PROS1: variants seen among roughly 807,000 people sequenced by gnomAD.
PROS1 encodes vitamin K-dependent protein S.
PROS1 carries 29 observed loss-of-function variants against 75.9 expected under a neutral mutation model. The observed-to-expected ratio is 0.38, with a 90% CI of 0.28 to 0.52. The LOEUF (loss-of-function observed/expected upper bound fraction) is 0.52, where lower values mean the gene tolerates loss of function less well. PROS1 is among the 20% of genes least tolerant of loss of function. The pLI is 0.83. For synonymous variants in PROS1, 245 were observed against 280.6 expected (o/e 0.87, Z 1.27); for missense variants, 680 against 810.3 (o/e 0.84, Z 1.95).
chr3:93,917,644 T>A (rs1438758962), intron 3 of PROS1, among the ~76,000 whole-genome samples: 1 of 152,034 alleles, frequency 6.6e-6, no homozygotes, highest in Non-Finnish European at 1.5e-5. Flanking sequence ...CAGCTGGAGT[T>A]CCTGGTGGGC....
intron 9 of PROS1, among the ~76,000 whole-genome samples, chr3:93,894,030 T>C (rs1193070746): frequency 3.3e-5 from 5 of 152,136 alleles, no homozygotes; most frequent in Admixed American, 2.0e-4. Context: ...ATCCACATGA[T>C]TGACGAAAGA....
At chr3:93,898,648 TTG>T in intron 7 of PROS1, 79 bp from the exon 8 acceptor site, 2 of 1,522,636 alleles carry the variant, frequency 1.3e-6, no homozygotes, top group Non-Finnish European at 1.8e-6. Flanking sequence ...AATATTATGA[TTG>T]TAGTATGATA....
chr3:93,875,893 G>T (rs1708180210), intron 14 of PROS1, among the ~76,000 whole-genome samples: 1 of 152,072 alleles, frequency 6.6e-6, no homozygotes, highest in African/African-American at 2.4e-5. Flanking sequence ...ATAACTTTCT[G>T]CCTCTAATTT....
intron 1 of PROS1, among the ~76,000 whole-genome samples, chr3:93,954,732 T>G (rs923395609): frequency 6.6e-6 from 1 of 152,176 alleles, no homozygotes; most frequent in Non-Finnish European, 1.5e-5. Context: ...AAATGGGATC[T>G]AATTAAACTA....
intron 1 of PROS1, among the ~76,000 whole-genome samples, chr3:93,956,335 T>C (rs1205904430): frequency 6.6e-6 from 1 of 152,064 alleles, no homozygotes; most frequent in Non-Finnish European, 1.5e-5. Flanking sequence ...AAAAAAGAAA[T>C]AAACATAAAC....
At chr3:93,918,683 C>T (rs1346735098) in intron 3 of PROS1, among the ~76,000 whole-genome samples, 1 of 152,084 alleles carries the variant, frequency 6.6e-6, no homozygotes, top group African/African-American at 2.4e-5. Context: ...GGATTACAGG[C>T]CTCGCCACCA....
intron 6 of PROS1, among the ~76,000 whole-genome samples, chr3:93,904,219 T>C (rs1433693980): frequency 6.6e-6 from 1 of 152,140 alleles, no homozygotes. Context: ...CTATCATTGT[T>C]GGACATTTGG....
chr3:93,935,521 A>T (rs1709169381), intron 1 of PROS1, among the ~76,000 whole-genome samples: 2 of 152,152 alleles, frequency 1.3e-5, no homozygotes, highest in Non-Finnish European at 1.5e-5. Context: ...GTTCCTGGAC[A>T]CTTAAAAAGG....
In PROS1 at chr3:93,914,062, G is replaced by A. The variant is rs762885948; in HGVS notation, c.260-3357C>T. Among the ~76,000 whole-genome samples, 83 of 152,240 alleles carry A rather than the reference G, an allele frequency of 5.5e-4. 1 individual carries two copies. The highest frequency in any genetic ancestry group is 9.8e-4 in the Non-Finnish European group (67 of 68,040). Reference sequence around the variant, plus strand: ...TAGGGGCTGAGCCCTCAAGGTCTTGGCCAGCCCATCCCTATGGCTTTGCTG... The same window carrying A: ...TAGGGGCTGAGCCCTCAAGGTCTTGACCAGCCCATCCCTATGGCTTTGCTG... On this transcript the variant is annotated intron_variant, in intron 3 of 14. Coordinates refer to ENST00000394236, the MANE Select transcript of PROS1 (RefSeq NM_000313.4).
rs202153905 is a variant in PROS1, at chr3:93,901,058, CA to C, written c.602-130del. 1,440 of 929,886 alleles carry C rather than the reference CA, an allele frequency of 1.5e-3. 15 individuals carry two copies. The African/African-American group carries it at 0.02, about 13-fold the overall frequency. 57.6% of individuals were successfully genotyped at this position (929,886 alleles called of 1,614,324 possible). Reference sequence around the variant, plus strand: ...TGAGATAACAGATTGGCCTTTGGACCAAAAAACATTAAATCTATCATCATAT... The same window carrying C: ...TGAGATAACAGATTGGCCTTTGGACCAAAAACATTAAATCTATCATCATAT... On this transcript the variant is annotated intron_variant, in intron 6 of 14. Coordinates refer to ENST00000394236, the MANE Select transcript of PROS1 (RefSeq NM_000313.4).
At chr3:93,885,389 C>G (rs1268833427) in intron 11 of PROS1, among the ~76,000 whole-genome samples, 1 of 152,164 alleles carries the variant, frequency 6.6e-6, no homozygotes, top group Admixed American at 6.5e-5. Flanking sequence ...CCACGCCTGG[C>G]TAATTTTTGT....
intron 1 of PROS1, among the ~76,000 whole-genome samples, chr3:93,937,531 CTAAT>C (rs747796152): frequency 4.8e-4 from 73 of 152,156 alleles, no homozygotes; most frequent in Non-Finnish European, 8.5e-4. Context: ...CCTCACCTGG[CTAAT>C]TTTTTGTATT....
At chr3:93,928,027 T>G (rs1403955227) in intron 1 of PROS1, among the ~76,000 whole-genome samples, 1 of 125,308 alleles carries the variant, frequency 8.0e-6, no homozygotes, top group East Asian at 2.3e-4. Context: ...TTTTTTTTTT[T>G]TTTTTGAGAC....
rs187894731 is a variant in PROS1 at position 93,945,161 on chromosome 3, T to C, written c.77-17754A>G. 3.3e-5 allele frequency among the ~76,000 whole-genome samples: 5 copies of C among 152,244 alleles called. No individual in the cohort carries two copies. The East Asian group carries it at 9.7e-4, about 29-fold the overall frequency. On this transcript the variant is annotated intron_variant, in intron 1 of 14. Transcript: ENST00000394236. ...ACAAGCTTGGAAATTAAGACAATAGTTAAGAGCCTACCAATAAAAAAAAGT... is the reference window on the plus strand; with the variant it reads ...ACAAGCTTGGAAATTAAGACAATAGCTAAGAGCCTACCAATAAAAAAAAGT...
intron 1 of PROS1, among the ~76,000 whole-genome samples, chr3:93,953,340 G>A (rs1709537876): frequency 6.6e-6 from 1 of 152,112 alleles, no homozygotes; most frequent in Admixed American, 6.6e-5. Flanking sequence ...ATAAAATACT[G>A]GCAAACCGAA....
chr3:93,938,535 C>G (rs1576204594), intron 1 of PROS1, among the ~76,000 whole-genome samples: 1 of 152,256 alleles, frequency 6.6e-6, no homozygotes, highest in South Asian at 2.1e-4. Flanking sequence ...CCCACGACCT[C>G]AGGTCCTCAG....
At chr3:93,916,386 T>C (rs1271503897) in intron 3 of PROS1, among the ~76,000 whole-genome samples, 1 of 152,170 alleles carries the variant, frequency 6.6e-6, no homozygotes, top group Non-Finnish European at 1.5e-5. Context: ...CCAAGTGAAA[T>C]GTTTCATATG....
chr3:93,947,920 C>A lies in PROS1; in HGVS notation c.77-20513G>T, dbSNP rs1227320833. Among the ~76,000 whole-genome samples the A allele has an allele frequency of 2.0e-5, 3 of 152,090 alleles. No individual in the cohort carries two copies. In the South Asian group the frequency reaches 6.2e-4, roughly 32 times the overall value. ...ACTCTCCCCCCTTACCTTGGCATTG[C>A]CCTTGCACAATTTTCACATAGGCAC... On this transcript the variant is annotated intron_variant, in intron 1 of 14. Coordinates refer to ENST00000394236, the MANE Select transcript of PROS1 (RefSeq NM_000313.4).
intron 3 of PROS1, among the ~76,000 whole-genome samples, chr3:93,913,104 G>A (rs564702520): frequency 2.6e-5 from 4 of 151,960 alleles, no homozygotes; most frequent in Admixed American, 6.5e-5. Flanking sequence ...TCAGGGGGGC[G>A]ATTTTCCCCA....
Sources: allele counts gnomAD v4.1 joint callset (sites outside exome capture counted in the v4.1 genomes callset), GRCh38; gene constraint gnomAD v4.1.1; transcripts MANE v1.5; gene names NCBI Gene and HGNC (gene_info 2026-07-23, HGNC 2026-07-21).